ADAM19: variants seen among roughly 807,000 people sequenced by gnomAD.
The protein encoded by ADAM19 is ADAM metallopeptidase domain 19.
Under a neutral mutation model 114.7 loss-of-function variants are expected in ADAM19, and 65 were observed. That is an observed-to-expected ratio of 0.57 (90% CI 0.46 to 0.70). ADAM19 has a LOEUF of 0.70. Among genes scored for constraint, ADAM19 ranks in the 30% least tolerant of loss-of-function variants. The probability of loss-of-function intolerance (pLI) is 0.00; values close to 1 mark genes in which losing one functional copy is unlikely to be tolerated. For missense variants in ADAM19, 1,063 were observed against 1,204.7 expected (o/e 0.88, Z 1.74); for synonymous variants, 466 against 460.5 (o/e 1.01, Z -0.15).
chr5:157,510,342 C>T lies in ADAM19; in HGVS notation c.739-875G>A, dbSNP rs544527644. ...ATACAAAATTAGCTGGGCGTGGTGG[C>T]GCATGCCTGTAATCCCAGCTACTCA... is the stretch of plus-strand genomic sequence containing the variant. On this transcript the variant is annotated intron_variant, in intron 8 of 22. Coordinates refer to ENST00000257527, the MANE Select transcript of ADAM19 (RefSeq NM_033274.5). 6.1e-4 allele frequency among the ~76,000 whole-genome samples: 93 copies of T among 152,216 alleles called. 1 individual carries two copies. The highest frequency in any genetic ancestry group is 6.8e-3 in the Middle Eastern group (2 of 294).
intron 8 of ADAM19, among the ~76,000 whole-genome samples, chr5:157,512,446 T>C (rs1755951287): frequency 6.6e-6 from 1 of 152,202 alleles, no homozygotes; most frequent in Non-Finnish European, 1.5e-5. Flanking sequence ...TTATGAGTAT[T>C]CTAAAATTGT....
At chr5:157,494,628 G>A in intron 15 of ADAM19, 59 bp downstream of exon 15, 1 of 1,454,872 alleles carries the variant, frequency 6.9e-7, no homozygotes, top group Non-Finnish European at 9.6e-7. Flanking sequence ...CAACAGTGAG[G>A]ACAGAGCAGA....
chr5:157,495,281 G>A (rs971791695), intron 14 of ADAM19, among the ~76,000 whole-genome samples: 5 of 152,070 alleles, frequency 3.3e-5, no homozygotes, highest in Non-Finnish European at 5.9e-5. Flanking sequence ...GATTACAGGC[G>A]TGAGCCACCA....
At position 157,493,002 on chromosome 5, in the gene ADAM19, TCAC is replaced by T. The variant is rs1392827268; in HGVS notation, c.1876_1878del (p.Val626del). The T allele has an allele frequency of 1.2e-6, 2 of 1,614,198 alleles. No individual in the cohort carries two copies. The highest frequency in any genetic ancestry group is 3.3e-5 in the Admixed American group (2 of 60,028). On this transcript the variant is annotated inframe_deletion, in exon 16 of 23. Coordinates refer to ENST00000257527, the MANE Select transcript of ADAM19 (RefSeq NM_033274.5). The stretch of plus-strand genomic sequence containing the variant: ...TTGTAGCCACACTTGGTTCCAGTCA[TCAC>T]CAGCCCTGGGTCCAGCATGTCACCC...
At position 157,518,904 on chromosome 5, in the gene ADAM19, A is replaced by C; in HGVS notation, c.601-16T>G. 1 of 1,610,420 alleles carries C rather than the reference A, an allele frequency of 6.2e-7. No individual in the cohort carries two copies. The highest frequency in any genetic ancestry group is 8.5e-7 in the Non-Finnish European group (1 of 1,176,610). ...CCCTTTTCATCTAAGAAAGAGAAAC[A>C]GATCAGCGCTGTAGAAATAGTGGAC... On this transcript the variant is annotated splice_polypyrimidine_tract_variant and intron_variant, in intron 6 of 22. Coordinates refer to ENST00000257527, the MANE Select transcript of ADAM19 (RefSeq NM_033274.5).
At chr5:157,499,774 T>A in intron 12 of ADAM19, 112 bp from the exon 13 acceptor site, 10 of 85,432 alleles carry the variant, frequency 1.2e-4, no homozygotes, top group East Asian at 2.5e-4. Context: ...CAACTATCTC[T>A]TTTTTTTTTT....
chr5:157,574,168 A>G (rs11748047), intron 1 of ADAM19, among the ~76,000 whole-genome samples: 20,430 of 151,930 alleles, frequency 0.13, 1,436 homozygotes, highest in Middle Eastern at 0.24. Flanking sequence ...TGTGGAGGGG[A>G]AAAAAAACAA....
At chr5:157,544,794 C>A (rs746249256) in intron 3 of ADAM19, among the ~76,000 whole-genome samples, 35 of 152,194 alleles carry the variant, frequency 2.3e-4, no homozygotes, top group Non-Finnish European at 3.7e-4. Flanking sequence ...TGAGTAGGAA[C>A]AACTTCTCTA....
intron 3 of ADAM19, among the ~76,000 whole-genome samples, chr5:157,547,359 A>G (rs868156696): frequency 1.3e-5 from 2 of 152,178 alleles, no homozygotes; most frequent in East Asian, 1.9e-4. Flanking sequence ...TTAATCCCCA[A>G]TGCAACAGTG....
rs541853936 is a variant in ADAM19, at chr5:157,490,226, AC to A, written c.2240+83del. 3.9e-5 allele frequency: 59 copies of A among 1,514,748 alleles called. 1 individual carries two copies. The highest frequency in any genetic ancestry group is 5.3e-5 in the Non-Finnish European group (58 of 1,099,296). The allele number at this position is 1,514,748 out of a possible 1,614,324, so 93.8% of individuals were successfully genotyped here. Reference sequence around the variant, plus strand: ...TCTTCCCTGAATTAGACCCACTATCACCAACACTTTTGCTAAGTACCATTTA... The same window carrying A: ...TCTTCCCTGAATTAGACCCACTATCACAACACTTTTGCTAAGTACCATTTA... On this transcript the variant is annotated intron_variant, in intron 19 of 22. Coordinates refer to ENST00000257527, the MANE Select transcript of ADAM19 (RefSeq NM_033274.5).
chr5:157,508,418 G>A (rs1755813061), intron 9 of ADAM19, among the ~76,000 whole-genome samples: 1 of 152,166 alleles, frequency 6.6e-6, no homozygotes, highest in African/African-American at 2.4e-5. Context: ...AGACCAGCTT[G>A]GCCAACATGG....
chr5:157,538,173 T>C (rs1025560073), intron 3 of ADAM19, among the ~76,000 whole-genome samples, 182 bp from the exon 4 acceptor site: 3 of 152,184 alleles, frequency 2.0e-5, no homozygotes, highest in Admixed American at 6.5e-5. Flanking sequence ...ATTAATTTTA[T>C]ATTTAATGTA....
intron 14 of ADAM19, among the ~76,000 whole-genome samples, chr5:157,495,723 TC>T (rs1413044749): frequency 6.6e-6 from 1 of 152,104 alleles, no homozygotes; most frequent in Non-Finnish European, 1.5e-5. Context: ...AACCTCTGCC[TC>T]CCAGTTTCAA....
At chr5:157,568,915 G>A (rs1452410806) in intron 2 of ADAM19, 1 of 152,138 alleles carries the variant, frequency 6.6e-6, no homozygotes, top group African/African-American at 2.4e-5. Flanking sequence ...CATATGCTGG[G>A]CAGACAATGG....
intron 2 of ADAM19, among the ~76,000 whole-genome samples, chr5:157,570,258 AAAACAAAC>A (rs1055172925): frequency 3.5e-4 from 53 of 151,802 alleles, no homozygotes; most frequent in Non-Finnish European, 6.2e-4. Flanking sequence ...AGACTCTGTC[AAAACAAAC>A]AAACAAACAA....
At chr5:157,561,605 A>T (rs1381734916) in intron 3 of ADAM19, among the ~76,000 whole-genome samples, 1 of 151,906 alleles carries the variant, frequency 6.6e-6, no homozygotes, top group African/African-American at 2.4e-5. Context: ...CTCTCCTTGG[A>T]ATTGTCATCT....
chr5:157,549,959 C>G (rs1276533954), intron 3 of ADAM19, among the ~76,000 whole-genome samples: 4 of 152,190 alleles, frequency 2.6e-5, no homozygotes, highest in African/African-American at 9.7e-5. Context: ...GAATAAACCT[C>G]AAAAACTTTA....
In ADAM19 at chr5:157,552,792, T is replaced by C. The variant is rs564997417; in HGVS notation, c.251+11581A>G. ...AAGATTTGGAAGCAACCTAAGTCTC[T>C]ATCTGGGATGAATGGATAAAGAAAA... On this transcript the variant is annotated intron_variant, in intron 3 of 22. Transcript: ENST00000257527. Among the ~76,000 whole-genome samples, 5 of 151,876 alleles carry C rather than the reference T, an allele frequency of 3.3e-5. No individual in the cohort carries two copies. In the South Asian group the frequency reaches 8.3e-4, roughly 25 times the overall value.
At chr5:157,545,810 G>A (rs1001947542) in intron 3 of ADAM19, among the ~76,000 whole-genome samples, 2 of 152,242 alleles carry the variant, frequency 1.3e-5, no homozygotes, top group Non-Finnish European at 2.9e-5. Context: ...CAGAGAGAAA[G>A]GCTCTTCATG....
Sources: gnomAD v4.1 joint callset for allele counts (sites outside exome capture counted in the v4.1 genomes callset) on GRCh38, gnomAD v4.1.1 for gene constraint, MANE v1.5 for transcripts, NCBI Gene and HGNC (gene_info 2026-07-23, HGNC 2026-07-21) for gene names.